STK10: variants seen among roughly 807,000 people sequenced by gnomAD.
STK10 encodes serine/threonine kinase 10.
In STK10, 78 loss-of-function variants were observed where a neutral mutation model predicts 113.8. The observed-to-expected ratio is 0.69, with a 90% CI of 0.57 to 0.83. The LOEUF is 0.83. STK10 is among the 40% of genes least tolerant of loss of function. STK10 has a pLI of 0.00. For missense variants in STK10, 1,109 were observed against 1,280.1 expected, an observed-to-expected ratio of 0.87 and a Z score of 2.04; for synonymous variants, 465 against 494.7, an observed-to-expected ratio of 0.94 and a Z score of 0.80.
intron 18 of STK10, among the ~76,000 whole-genome samples, chr5:172,050,826 T>C (rs1767612185): frequency 6.6e-6 from 1 of 151,988 alleles, no homozygotes. Context: ...GATCCTCCCA[T>C]CTCAGGCTCC....
intron 2 of STK10, among the ~76,000 whole-genome samples, chr5:172,141,372 T>G (rs2113801384): frequency 6.6e-6 from 1 of 151,692 alleles, no homozygotes; most frequent in South Asian, 2.1e-4. Context: ...AGCTCAGGAG[T>G]TCGAGACCAG....
At chr5:172,184,072 TCAGAAGAAAAA>T (rs1260073720) in intron 1 of STK10, among the ~76,000 whole-genome samples, 1 of 152,162 alleles carries the variant, frequency 6.6e-6, no homozygotes, top group African/African-American at 2.4e-5. Context: ...ACTTAGGCTG[TCAGAAGAAAAA>T]CAGTGCTACT....
At chr5:172,113,238 T>C (rs977105833) in intron 4 of STK10, among the ~76,000 whole-genome samples, 6 of 151,986 alleles carry the variant, frequency 3.9e-5, no homozygotes, top group African/African-American at 1.5e-4. Context: ...TGTCAACTGG[T>C]ATGACCAGCA....
At chr5:172,182,056 G>A (rs1451401057) in intron 1 of STK10, among the ~76,000 whole-genome samples, 1 of 151,896 alleles carries the variant, frequency 6.6e-6, no homozygotes, top group Non-Finnish European at 1.5e-5. Context: ...TGTAATCCCA[G>A]CACTTTGGGA....
chr5:172,107,338 A>G (rs1769137120), intron 5 of STK10, among the ~76,000 whole-genome samples: 1 of 152,198 alleles, frequency 6.6e-6, no homozygotes, highest in East Asian at 1.9e-4. Context: ...TTTTAAAGTA[A>G]TAGTTCTGGA....
chr5:172,169,904 G>C (rs995757007), intron 1 of STK10, among the ~76,000 whole-genome samples: 8 of 152,156 alleles, frequency 5.3e-5, no homozygotes, highest in African/African-American at 1.9e-4. Flanking sequence ...GCTTGCGGAA[G>C]CCAGGACACC....
intron 10 of STK10, among the ~76,000 whole-genome samples, chr5:172,087,420 G>A (rs1768590245): frequency 1.3e-5 from 2 of 150,176 alleles, no homozygotes; most frequent in Admixed American, 6.6e-5. Context: ...GATTACAGAC[G>A]CCGGCCACCA....
chr5:172,081,591 C>CA (rs1768431563), intron 12 of STK10, among the ~76,000 whole-genome samples: 1 of 152,106 alleles, frequency 6.6e-6, no homozygotes, highest in Non-Finnish European at 1.5e-5. Flanking sequence ...CCCTGGCTCC[C>CA]AGAGGCAGCT....
chr5:172,158,814 T>C (rs1375023553), intron 1 of STK10, among the ~76,000 whole-genome samples: 2 of 152,130 alleles, frequency 1.3e-5, no homozygotes, highest in Non-Finnish European at 2.9e-5. Flanking sequence ...ATAATTCCAC[T>C]TACCTGAAGT....
chr5:172,180,030 C>T (rs1465745274), intron 1 of STK10, among the ~76,000 whole-genome samples: 3 of 152,220 alleles, frequency 2.0e-5, no homozygotes, highest in Non-Finnish European at 4.4e-5. Flanking sequence ...GCCCCCTGTG[C>T]ACTTGAGGGG....
intron 2 of STK10, among the ~76,000 whole-genome samples, chr5:172,131,356 T>C (rs1333725943): frequency 6.6e-6 from 1 of 152,018 alleles, no homozygotes; most frequent in Non-Finnish European, 1.5e-5. Flanking sequence ...TTCTTAAGAG[T>C]CAGTATGAGA....
rs1462186039 is a variant in STK10 at position 172,087,623 on chromosome 5, A to ATTTATTT, written c.1685+2608_1685+2609insAAATAAA. On this transcript the variant is annotated intron_variant, in intron 10 of 18. Transcript: ENST00000176763. ...ATTTTTTAAATTTATTTACTTATTTATTTTTTTTTTTTTTTTGAGACGGAG... is the reference window on the plus strand; with the variant it reads ...ATTTTTTAAATTTATTTACTTATTTATTTATTTTTTTTTTTTTTTTTTTGAGACGGAG... 1.6e-4 allele frequency among the ~76,000 whole-genome samples: 14 copies of ATTTATTT among 85,186 alleles called. 1 individual carries two copies. Among genetic ancestry groups the ATTTATTT allele is most frequent in the African/African-American group, 7.6e-4 (13 of 17,196 alleles). 55.9% of individuals were successfully genotyped at this position (85,186 alleles called of 152,430 possible).
At chr5:172,118,449 T>C (rs1769434900) in intron 3 of STK10, among the ~76,000 whole-genome samples, 1 of 152,066 alleles carries the variant, frequency 6.6e-6, no homozygotes, top group South Asian at 2.1e-4. Flanking sequence ...GAACCCCTTA[T>C]AGCTGGGGGA....
At chr5:172,162,687 C>T (rs1770494919) in intron 1 of STK10, among the ~76,000 whole-genome samples, 1 of 152,210 alleles carries the variant, frequency 6.6e-6, no homozygotes, top group Admixed American at 6.5e-5. Flanking sequence ...AGAGCCAGGG[C>T]CAGTGACCAA....
chr5:172,090,955 AAAAAAAAAAG>A (rs1768689418), intron 9 of STK10, among the ~76,000 whole-genome samples: 1 of 150,140 alleles, frequency 6.7e-6, no homozygotes, highest in Non-Finnish European at 1.5e-5. Flanking sequence ...AAAAAAAAAA[AAAAAAAAAAG>A]AGCTGCGTTC....
intron 2 of STK10, among the ~76,000 whole-genome samples, chr5:172,140,827 G>T (rs372315578): frequency 1.3e-5 from 2 of 152,070 alleles, no homozygotes; most frequent in Non-Finnish European, 1.5e-5. Context: ...CATGTTCATC[G>T]CAGCACTATT....
chr5:172,111,237 A>G (rs1769229887), intron 4 of STK10, among the ~76,000 whole-genome samples: 1 of 152,028 alleles, frequency 6.6e-6, no homozygotes, highest in African/African-American at 2.4e-5. Context: ...AACACCACTA[A>G]GGGCTGGCAC....
chr5:172,052,518 C>T (rs1212011242), intron 18 of STK10, among the ~76,000 whole-genome samples: 1 of 152,208 alleles, frequency 6.6e-6, no homozygotes, highest in African/African-American at 2.4e-5. Flanking sequence ...AAGTGTGTGG[C>T]AGTTCATCAC....
intron 3 of STK10, among the ~76,000 whole-genome samples, chr5:172,125,628 G>A (rs948958239): frequency 3.9e-5 from 6 of 152,028 alleles, no homozygotes; most frequent in South Asian, 2.1e-4. Flanking sequence ...CAGGTGATCC[G>A]CCCACCTCGG....
Sources: allele counts gnomAD v4.1 joint callset (sites outside exome capture counted in the v4.1 genomes callset), GRCh38; gene constraint gnomAD v4.1.1; transcripts MANE v1.5; gene names NCBI Gene and HGNC (gene_info 2026-07-23, HGNC 2026-07-21).